Variants in SGMS1 observed in about 807,000 individuals in gnomAD.
The protein encoded by SGMS1 is phosphatidylcholine:ceramide cholinephosphotransferase 1.
A neutral mutation model predicts 46.2 loss-of-function variants in SGMS1; 13 were observed. That is an observed-to-expected ratio of 0.28 (90% CI 0.18 to 0.45). The LOEUF (loss-of-function observed/expected upper bound fraction) is 0.45, where lower values mean the gene tolerates loss of function less well. SGMS1 is among the 20% of genes least tolerant of loss of function. SGMS1 has a pLI of 1.00. For missense variants in SGMS1, 324 were observed against 519.9 expected, an observed-to-expected ratio of 0.62 and a Z score of 3.66; for synonymous variants, 203 against 187.8, an observed-to-expected ratio of 1.08 and a Z score of -0.66.
intron 2 of SGMS1, among the ~76,000 whole-genome samples, chr10:50,564,416 G>A (rs1009412330): frequency 2.6e-5 from 4 of 152,190 alleles, no homozygotes; most frequent in African/African-American, 9.7e-5. Context: ...CCTGCAATAT[G>A]ACATTACTGC....
At chr10:50,443,548 C>A (rs1403117059) in intron 5 of SGMS1, among the ~76,000 whole-genome samples, 1 of 151,366 alleles carries the variant, frequency 6.6e-6, no homozygotes, top group African/African-American at 2.4e-5. Flanking sequence ...CTATATACAA[C>A]AAAAAAATCT....
At chr10:50,615,162 T>C (rs1374863164) in intron 1 of SGMS1, among the ~76,000 whole-genome samples, 1 of 152,208 alleles carries the variant, frequency 6.6e-6, no homozygotes, top group Admixed American at 6.5e-5. Flanking sequence ...TATTTACTTG[T>C]TCAGTCTGCA....
chr10:50,594,755 G>A lies in SGMS1; in HGVS notation c.-683-4508C>T, dbSNP rs72803734. Among the ~76,000 whole-genome samples the A allele has an allele frequency of 7.2e-3, 1,092 of 152,304 alleles. 9 individuals carry two copies. The highest frequency in any genetic ancestry group is 0.012 in the Non-Finnish European group (795 of 68,030). On this transcript the variant is annotated intron_variant, in intron 1 of 10. Coordinates refer to ENST00000361781, the MANE Select transcript of SGMS1 (RefSeq NM_147156.4). Reference sequence around the variant, plus strand: ...AAATAATGAGAAATTATCTCAATTTGAGTAGGAAGGAAAGAAGAAATGTTA... The same window carrying A: ...AAATAATGAGAAATTATCTCAATTTAAGTAGGAAGGAAAGAAGAAATGTTA...
intron 2 of SGMS1, among the ~76,000 whole-genome samples, chr10:50,530,194 T>C (rs947690087): frequency 2.0e-5 from 3 of 152,210 alleles, no homozygotes; most frequent in Admixed American, 2.0e-4. Flanking sequence ...GGCCCTAGTG[T>C]TTCCTCCAAA....
rs1225356688 is a variant in SGMS1, at chr10:50,305,863, A to C, written c.*1279T>G. ...GGATATATATACTTCTTCATTCTTA[A>C]AAAACTATTTTGTTCTCCACATTGG... On this transcript the variant is annotated 3_prime_UTR_variant, in exon 11 of 11. Transcript: ENST00000361781. The C allele has an allele frequency of 1.3e-5, 2 of 152,730 alleles. No homozygotes were observed. Among genetic ancestry groups the C allele is most frequent in the African/African-American group, 2.4e-5 (1 of 41,464 alleles). The allele number at this position is 152,730 out of a possible 1,614,324, so 9.5% of individuals were successfully genotyped here. A position where few individuals can be genotyped will look rare whatever the true frequency, so the allele number is the denominator to read the frequency against.
intron 1 of SGMS1, among the ~76,000 whole-genome samples, chr10:50,615,992 T>G (rs866246475): frequency 6.6e-6 from 1 of 152,242 alleles, no homozygotes; most frequent in Non-Finnish European, 1.5e-5. Context: ...GGCAGAAACA[T>G]GGGCTTGCAA....
At chr10:50,378,682 T>C (rs2099527) in intron 6 of SGMS1, among the ~76,000 whole-genome samples, 105,014 of 152,068 alleles carry the variant, frequency 0.69, 36,493 homozygotes, top group Middle Eastern at 0.8. Flanking sequence ...AGAATAGGCT[T>C]TGAAAAAATA....
chr10:50,348,558 C>A (rs1169598139), intron 6 of SGMS1, among the ~76,000 whole-genome samples: 1 of 152,028 alleles, frequency 6.6e-6, no homozygotes, highest in Non-Finnish European at 1.5e-5. Flanking sequence ...AGTGAACTCC[C>A]ATTCACAATT....
At chr10:50,353,244 T>G (rs1280601072) in intron 6 of SGMS1, among the ~76,000 whole-genome samples, 2 of 152,270 alleles carry the variant, frequency 1.3e-5, no homozygotes, top group East Asian at 3.8e-4. Flanking sequence ...TCCACCATGA[T>G]CAAGTGGGAT....
chr10:50,610,908 G>A (rs936196814), intron 1 of SGMS1, among the ~76,000 whole-genome samples: 9 of 152,160 alleles, frequency 5.9e-5, no homozygotes, highest in African/African-American at 2.2e-4. Flanking sequence ...GAAGGCTCAG[G>A]CTAGAGATGG....
intron 3 of SGMS1, among the ~76,000 whole-genome samples, chr10:50,488,552 CA>C (rs1317127267): frequency 2.0e-5 from 3 of 152,100 alleles, no homozygotes; most frequent in Non-Finnish European, 2.9e-5. Flanking sequence ...GTCAAAGAAA[CA>C]TAACATCAGT....
At chr10:50,580,403 A>G (rs1302444387) in intron 2 of SGMS1, among the ~76,000 whole-genome samples, 1 of 150,998 alleles carries the variant, frequency 6.6e-6, no homozygotes, top group Non-Finnish European at 1.5e-5. Flanking sequence ...ATGATTTAAC[A>G]TTTACCACAG....
In SGMS1 at chr10:50,544,876, C is replaced by T. The variant is rs142053162; in HGVS notation, c.-588-24955G>A. 4.7e-3 allele frequency among the ~76,000 whole-genome samples: 710 copies of T among 152,252 alleles called. 6 individuals are homozygous for T. Among genetic ancestry groups the T allele is most frequent in the African/African-American group, 0.016 (655 of 41,532 alleles). ...ATTTGCCCCAAGAAGAAACGTGTGC[C>T]GCGTATTTCCATTTATGTGTTCCAA... On this transcript the variant is annotated intron_variant, in intron 2 of 10. Transcript: ENST00000361781.
chr10:50,452,421 A>G (rs1211499479), intron 5 of SGMS1, among the ~76,000 whole-genome samples: 1 of 152,204 alleles, frequency 6.6e-6, no homozygotes, highest in Admixed American at 6.5e-5. Flanking sequence ...AGAAGCACAT[A>G]CTAAAACAAA....
intron 3 of SGMS1, among the ~76,000 whole-genome samples, chr10:50,509,618 C>T (rs1010129709): frequency 1.3e-5 from 2 of 152,276 alleles, no homozygotes; most frequent in East Asian, 3.9e-4. Flanking sequence ...TCTCCACTAA[C>T]GCTAGAATCA....
chr10:50,618,010 C>A (rs145744236), intron 1 of SGMS1, among the ~76,000 whole-genome samples: 2 of 151,878 alleles, frequency 1.3e-5, no homozygotes, highest in Admixed American at 6.6e-5. Context: ...TGAGCCACCA[C>A]GCTCAGCCTT....
intron 6 of SGMS1, among the ~76,000 whole-genome samples, chr10:50,346,278 T>G (rs1847909886): frequency 6.6e-6 from 1 of 152,240 alleles, no homozygotes; most frequent in Non-Finnish European, 1.5e-5. Context: ...GATGGGTCTT[T>G]GGGTACCCAT....
intron 3 of SGMS1, among the ~76,000 whole-genome samples, chr10:50,496,063 G>A (rs1046910908): frequency 6.6e-6 from 1 of 152,080 alleles, no homozygotes; most frequent in African/African-American, 2.4e-5. Context: ...ACTGAATCCA[G>A]TGTGTTACAT....
intron 6 of SGMS1, among the ~76,000 whole-genome samples, chr10:50,415,925 G>A (rs956191585): frequency 2.6e-5 from 4 of 152,116 alleles, no homozygotes; most frequent in Admixed American, 2.0e-4. Flanking sequence ...CTTGTGACAC[G>A]CAAGAGGAAA....
Sources: gnomAD v4.1 joint callset for allele counts (sites outside exome capture counted in the v4.1 genomes callset) on GRCh38, gnomAD v4.1.1 for gene constraint, MANE v1.5 for transcripts, NCBI Gene and HGNC (gene_info 2026-07-23, HGNC 2026-07-21) for gene names.